CPA6: variants seen among roughly 807,000 people sequenced by gnomAD.
CPA6 encodes the protein carboxypeptidase B.
CPA6 carries 58 observed loss-of-function variants against 63.3 expected under a neutral mutation model. The observed-to-expected ratio is 0.92, with a 90% CI of 0.74 to 1.14. The LOEUF (loss-of-function observed/expected upper bound fraction) is 1.14. CPA6 is among the 50% of genes most tolerant of loss of function. The pLI is 0.00. For synonymous variants in CPA6, 185 were observed against 179.0 expected, an observed-to-expected ratio of 1.03 and a Z score of -0.27; for missense variants, 565 against 526.6, an observed-to-expected ratio of 1.07 and a Z score of -0.71.
At chr8:67,681,200 CTTTTT>C (rs1007305743) in intron 1 of CPA6, among the ~76,000 whole-genome samples, 34 of 89,896 alleles carry the variant, frequency 3.8e-4, no homozygotes, top group South Asian at 4.0e-4. Context: ...CAAAGATTTT[CTTTTT>C]TTTTTTTTTT....
intron 2 of CPA6, among the ~76,000 whole-genome samples, chr8:67,590,866 C>T (rs1325786435): frequency 1.3e-5 from 2 of 151,886 alleles, no homozygotes; most frequent in African/African-American, 4.8e-5. Context: ...GTTTCTTTTC[C>T]TGTGCAGAAG....
At position 67,511,522 on chromosome 8, in the gene CPA6, A is replaced by G. The variant is rs751332117; in HGVS notation, c.432+19T>C. The G allele has an allele frequency of 7.2e-7, 1 of 1,387,054 alleles. No individual in the cohort carries two copies. The highest frequency in any genetic ancestry group is 1.2e-5 in the South Asian group (1 of 85,596). The allele number at this position is 1,387,054 out of a possible 1,614,324, so 85.9% of individuals were successfully genotyped here. A position where few individuals can be genotyped will look rare whatever the true frequency, so the allele number is the denominator to read the frequency against. On this transcript the variant is annotated intron_variant, in intron 4 of 10. Transcript: ENST00000297770. ...GATGACTCTGTGAAAAACCAGAAAA[A>G]GCTCTTTTGATTACATACTTCTTCT...
intron 2 of CPA6, among the ~76,000 whole-genome samples, chr8:67,603,874 A>G (rs1471439944): frequency 6.6e-6 from 1 of 152,198 alleles, no homozygotes. Flanking sequence ...ATAGGTCTCT[A>G]TGGTGTCATT....
At chr8:67,428,984 T>C (rs1388577620) in intron 9 of CPA6, among the ~76,000 whole-genome samples, 1 of 152,220 alleles carries the variant, frequency 6.6e-6, no homozygotes, top group Non-Finnish European at 1.5e-5. Flanking sequence ...TATATTTCAC[T>C]GGGTATGTAC....
At chr8:67,472,412 C>CTTATT (rs76537277) in intron 8 of CPA6, among the ~76,000 whole-genome samples, 8,515 of 57,694 alleles carry the variant, frequency 0.15, 366 homozygotes, top group Non-Finnish European at 0.2. Flanking sequence ...TTTATCTTAT[C>CTTATT]TTATTTTATT....
At chr8:67,431,451 C>T (rs73258696) in intron 9 of CPA6, among the ~76,000 whole-genome samples, 10,328 of 151,904 alleles carry the variant, frequency 0.068, 827 homozygotes, top group African/African-American at 0.19. Context: ...ACCATGTTGC[C>T]CAGGCTGCTC....
intron 2 of CPA6, among the ~76,000 whole-genome samples, chr8:67,596,110 T>C (rs534876826): frequency 1.3e-5 from 2 of 152,352 alleles, no homozygotes; most frequent in East Asian, 1.9e-4. Context: ...TCTTTAATTT[T>C]TGGGAATTGA....
intron 3 of CPA6, among the ~76,000 whole-genome samples, chr8:67,517,487 C>A (rs1812169731): frequency 6.6e-6 from 1 of 152,184 alleles, no homozygotes; most frequent in Non-Finnish European, 1.5e-5. Context: ...AGCATCATTT[C>A]TTTCTGCCCT....
At chr8:67,607,065 C>T (rs1400612814) in intron 2 of CPA6, among the ~76,000 whole-genome samples, 6 of 151,540 alleles carry the variant, frequency 4.0e-5, no homozygotes, top group Non-Finnish European at 7.4e-5. Flanking sequence ...ATGTAACTCT[C>T]AAATCTGTCT....
chr8:67,589,929 T>C (rs1482851254), intron 2 of CPA6, among the ~76,000 whole-genome samples: 1 of 151,986 alleles, frequency 6.6e-6, no homozygotes, highest in Non-Finnish European at 1.5e-5. Context: ...AGGGTACATG[T>C]GCACAATGTG....
At chr8:67,507,709 C>A (rs927092244) in intron 5 of CPA6, among the ~76,000 whole-genome samples, 2 of 151,992 alleles carry the variant, frequency 1.3e-5, no homozygotes, top group African/African-American at 4.8e-5. Flanking sequence ...CATTATGATG[C>A]GAATATCAAT....
intron 1 of CPA6, among the ~76,000 whole-genome samples, chr8:67,684,047 AT>A (rs1402569868): frequency 8.3e-5 from 11 of 132,218 alleles, no homozygotes; most frequent in Admixed American, 2.3e-4. Flanking sequence ...TATTTTATTT[AT>A]TTATTTATTT....
intron 10 of CPA6, among the ~76,000 whole-genome samples, chr8:67,427,285 C>T (rs1300020997): frequency 6.6e-6 from 1 of 152,152 alleles, no homozygotes; most frequent in African/African-American, 2.4e-5. Flanking sequence ...AAATTTGCTG[C>T]CCTTAGCCAG....
At chr8:67,545,114 T>C (rs774976121) in intron 2 of CPA6, among the ~76,000 whole-genome samples, 15 of 152,210 alleles carry the variant, frequency 9.9e-5, no homozygotes, top group Non-Finnish European at 2.2e-4. Context: ...TTTATAATTA[T>C]AAAGCACCAG....
chr8:67,461,690 G>C (rs948060171), intron 8 of CPA6, among the ~76,000 whole-genome samples: 3 of 151,942 alleles, frequency 2.0e-5, no homozygotes, highest in Non-Finnish European at 2.9e-5. Context: ...CGGGCAGGGG[G>C]CTGACCCCCC....
intron 2 of CPA6, among the ~76,000 whole-genome samples, chr8:67,563,204 T>A (rs1425649405): frequency 6.6e-6 from 1 of 152,114 alleles, no homozygotes; most frequent in Non-Finnish European, 1.5e-5. Flanking sequence ...TAAAAATGTA[T>A]GTTTTGGTGT....
chr8:67,551,426 T>C (rs1489151592), intron 2 of CPA6, among the ~76,000 whole-genome samples: 1 of 152,240 alleles, frequency 6.6e-6, no homozygotes, highest in African/African-American at 2.4e-5. Context: ...CACAGTAGCC[T>C]TATAGTATAG....
chr8:67,574,975 T>C (rs1813586162), intron 2 of CPA6, among the ~76,000 whole-genome samples: 1 of 152,140 alleles, frequency 6.6e-6, no homozygotes, highest in South Asian at 2.1e-4. Context: ...AGAAAATATT[T>C]GCAAGCCATA....
At chr8:67,605,643 G>T (rs1359903321) in intron 2 of CPA6, among the ~76,000 whole-genome samples, 1 of 151,444 alleles carries the variant, frequency 6.6e-6, no homozygotes. Flanking sequence ...GATCCACAAG[G>T]CTTATGGCTA....
Sources: gnomAD v4.1 joint callset for allele counts (sites outside exome capture counted in the v4.1 genomes callset) on GRCh38, gnomAD v4.1.1 for gene constraint, MANE v1.5 for transcripts, NCBI Gene and HGNC (gene_info 2026-07-23, HGNC 2026-07-21) for gene names.